Variants in POLN observed in about 807,000 individuals in gnomAD.
POLN encodes DNA polymerase nu.
POLN carries 108 observed loss-of-function variants against 113.5 expected under a neutral mutation model. The observed-to-expected ratio is 0.95, with a 90% CI of 0.81 to 1.12. The LOEUF (loss-of-function observed/expected upper bound fraction) is 1.12. Ranked by LOEUF, POLN falls within the 50% of genes most tolerant of loss-of-function variation. The pLI is 0.00. For missense variants in POLN, 1,097 were observed against 1,077.1 expected, an observed-to-expected ratio of 1.02 and a Z score of -0.26; for synonymous variants, 386 against 391.5, an observed-to-expected ratio of 0.99 and a Z score of 0.17.
At chr4:2,181,999 CA>C (rs546309359) in intron 7 of POLN, among the ~76,000 whole-genome samples, 238 of 98,822 alleles carry the variant, frequency 2.4e-3, no homozygotes, top group Non-Finnish European at 2.2e-3. Context: ...GACTCCGTCT[CA>C]AAAAAAAAAA....
At position 2,126,223 on chromosome 4, in the gene POLN, C is replaced by CAGGGA. The variant is rs1561015133; in HGVS notation, c.1982+1889_1982+1890insTCCCT. On this transcript the variant is annotated intron_variant, in intron 19 of 25. Transcript: ENST00000511885. The surrounding 1 kb of genome is among the most constrained non-coding windows in gnomAD (Gnocchi z 4.6). ...GCTTTTGTCACTTTCCCTGCTGTCA[C>CAGGGA]CATAAACACAATTTCACAGCTACTC... Among the ~76,000 whole-genome samples, 1 of 152,186 alleles carries CAGGGA rather than the reference C, an allele frequency of 6.6e-6. No homozygotes were observed. Among genetic ancestry groups the CAGGGA allele is most frequent in the Non-Finnish European group, 1.5e-5 (1 of 68,042 alleles).
In POLN at chr4:2,183,298, T is replaced by C. The variant is rs368781139; in HGVS notation, c.1022-3833A>G. On this transcript the variant is annotated intron_variant, in intron 7 of 25. Coordinates refer to ENST00000511885, the MANE Select transcript of POLN (RefSeq NM_181808.4). ...CATGACCCAGCAATTCTACTTCTTC[T>C]AGATATACACGCAAGCAAGTTGAAA... 5.9e-5 allele frequency among the ~76,000 whole-genome samples: 9 copies of C among 152,286 alleles called. No homozygotes were observed. The East Asian group carries it at 9.7e-4, about 16-fold the overall frequency.
chr4:2,196,196 A>C (rs1733568760), intron 6 of POLN, among the ~76,000 whole-genome samples: 2 of 152,190 alleles, frequency 1.3e-5, no homozygotes, highest in Non-Finnish European at 2.9e-5. Context: ...ACGTATACTA[A>C]GAAATTAGTT....
At chr4:2,161,918 T>C (rs893102065) in intron 13 of POLN, among the ~76,000 whole-genome samples, 8 of 152,184 alleles carry the variant, frequency 5.3e-5, no homozygotes, top group East Asian at 3.9e-4. Flanking sequence ...TTGGAGAACC[T>C]TTGTGTGGAC....
intron 16 of POLN, among the ~76,000 whole-genome samples, chr4:2,132,211 A>G (rs962884251): frequency 1.3e-5 from 2 of 152,186 alleles, no homozygotes; most frequent in African/African-American, 2.4e-5. Context: ...AAAATACCCA[A>G]TATTTACAGG....
intron 7 of POLN, among the ~76,000 whole-genome samples, chr4:2,185,534 T>C (rs940473079): frequency 6.6e-6 from 1 of 152,150 alleles, no homozygotes; most frequent in African/African-American, 2.4e-5. Context: ...TTACTTGAGG[T>C]CAGGAGTTCG....
intron 19 of POLN, among the ~76,000 whole-genome samples, chr4:2,098,917 C>T (rs1034588271): frequency 2.4e-4 from 10 of 41,954 alleles, no homozygotes; most frequent in South Asian, 1.3e-3. Context: ...CACGTGCGTG[C>T]GCACACACAC....
At chr4:2,085,475 A>G (rs3135157) in intron 21 of POLN, 138 bp downstream of exon 21, 969,655 of 1,095,802 alleles carry the variant, frequency 0.88, 431,487 homozygotes, top group Non-Finnish European at 0.91. Context: ...TTTGTCCAAT[A>G]AGAGCTGAGG....
chr4:2,085,695 G>T lies in POLN; in HGVS notation c.2115C>A (p.Ala705=). Residue 705 remains alanine (A), a synonymous_variant, in exon 21 of 26, where the codon GCC becomes GCA. Coordinates refer to ENST00000511885, the MANE Select transcript of POLN (RefSeq NM_181808.4). ...TCTGCAAAAAACTCTCCAAAAACTG[G>T]GCAGCTTCCTGAATAGGAACTCCAA... ...ACLGVPIQEA[A]QFLESFLQKY... The T allele has an allele frequency of 6.2e-7, 1 of 1,614,022 alleles. No individual in the cohort carries two copies. The highest frequency in any genetic ancestry group is 1.1e-5 in the South Asian group (1 of 91,076).
intron 23 of POLN, among the ~76,000 whole-genome samples, chr4:2,075,850 C>T (rs1730261941): frequency 6.6e-6 from 1 of 152,160 alleles, no homozygotes; most frequent in Admixed American, 6.5e-5. Flanking sequence ...GGTGGCACAA[C>T]CAGCAGGAGG....
At chr4:2,179,576 A>G in intron 7 of POLN, 111 bp from the exon 8 acceptor site, 1 of 1,097,460 alleles carries the variant, frequency 9.1e-7, no homozygotes, top group Admixed American at 2.5e-5. Context: ...TCATCCTCTC[A>G]AATTATAGAC....
rs566576008 is a variant in POLN, at chr4:2,126,932, C to T, written c.1982+1181G>A. Among the ~76,000 whole-genome samples the T allele has an allele frequency of 3.3e-5, 5 of 152,094 alleles. No individual in the cohort carries two copies. The highest frequency in any genetic ancestry group is 6.5e-5 in the Admixed American group (1 of 15,278). ...TCAGCAAAGACAGAGGCGGAGACAGCGCATGGGGAGGGGAGTGCAGGGGGC... is the reference window on the plus strand; with the variant it reads ...TCAGCAAAGACAGAGGCGGAGACAGTGCATGGGGAGGGGAGTGCAGGGGGC... On this transcript the variant is annotated intron_variant, in intron 19 of 25. Transcript: ENST00000511885. The surrounding 1 kb of genome is among the most constrained non-coding windows in gnomAD (Gnocchi z 4.6).
At chr4:2,225,495 A>C (rs1450369673) in intron 3 of POLN, among the ~76,000 whole-genome samples, 1 of 151,746 alleles carries the variant, frequency 6.6e-6, no homozygotes, top group Non-Finnish European at 1.5e-5. Context: ...GGGGGGTTGC[A>C]GTGAGCCGAG....
Position 2,072,067 on chromosome 4 carries a change from C to A in POLN, c.*47G>T, listed in dbSNP as rs1346068842. The A allele has an allele frequency of 4.4e-6, 7 of 1,601,890 alleles. No individual in the cohort carries two copies. The highest frequency in any genetic ancestry group is 6.0e-6 in the Non-Finnish European group (7 of 1,169,902). ...GCTGGTGACCTTGGGGAAGGCCACA[C>A]AATGGACTGCTGGAAACCAGTTCTC... On this transcript the variant is annotated 3_prime_UTR_variant, in exon 26 of 26. Transcript: ENST00000511885.
At chr4:2,163,142 C>T (rs1213561268) in intron 13 of POLN, among the ~76,000 whole-genome samples, 2 of 151,322 alleles carry the variant, frequency 1.3e-5, no homozygotes, top group African/African-American at 4.9e-5. Flanking sequence ...ATAGGTGAAC[C>T]ATTAAATCAT....
intron 2 of POLN, chr4:2,236,586 C>A: frequency 1.5e-6 from 1 of 658,252 alleles, no homozygotes. Context: ...TGGCCGGGTA[C>A]AGTAGCTCAC....
chr4:2,240,172 G>A (rs541010539), intron 2 of POLN: 5 of 1,613,906 alleles, frequency 3.1e-6, no homozygotes, highest in South Asian at 1.1e-5. Flanking sequence ...ATCTCTAGTC[G>A]TCTCTCCTCA....
chr4:2,206,214 G>A (rs1233892284), intron 5 of POLN, among the ~76,000 whole-genome samples: 1 of 152,138 alleles, frequency 6.6e-6, no homozygotes, highest in Non-Finnish European at 1.5e-5. Flanking sequence ...AATGAAACTG[G>A]ATCCTCATCT....
chr4:2,116,767 C>T (rs1731327205), intron 19 of POLN, among the ~76,000 whole-genome samples: 1 of 152,184 alleles, frequency 6.6e-6, no homozygotes, highest in African/African-American at 2.4e-5. Flanking sequence ...TCCAACAGAG[C>T]TCCCTTCCAA....
Sources: allele counts gnomAD v4.1 joint callset (sites outside exome capture counted in the v4.1 genomes callset), GRCh38; gene constraint gnomAD v4.1.1; non-coding constraint Gnocchi (gnomAD v3.1); transcripts MANE v1.5; gene names NCBI Gene and HGNC (gene_info 2026-07-23, HGNC 2026-07-21).